NHERF1: variants seen among roughly 807,000 people sequenced by gnomAD.
The protein encoded by NHERF1 is NHERF family PDZ scaffold protein 1.
the NHERF1 span, among the ~76,000 whole-genome samples, chr17:74,757,446 A>G: frequency 2.6e-5 from 4 of 152,226 alleles, no homozygotes; most frequent in South Asian, 8.3e-4. Context: ...AGGTGACATC[A>G]GGGCCACTAC....
chr17:74,768,579 G>A, the NHERF1 span: 2 of 1,613,998 alleles, frequency 1.2e-6, no homozygotes, highest in African/African-American at 1.3e-5. Context: ...CAAAGAGAGG[G>A]CCCACCAGAA....
the NHERF1 span, among the ~76,000 whole-genome samples, chr17:74,765,980 T>A: frequency 6.6e-6 from 1 of 152,192 alleles, no homozygotes; most frequent in African/African-American, 2.4e-5. Flanking sequence ...TAAACCAGAA[T>A]CTGTGCTGCC....
the NHERF1 span, among the ~76,000 whole-genome samples, chr17:74,754,027 G>T: frequency 2.6e-5 from 4 of 151,830 alleles, no homozygotes; most frequent in African/African-American, 9.7e-5. Flanking sequence ...AGCGAGGCGT[G>T]GTGGCAGGTG....
the NHERF1 span, among the ~76,000 whole-genome samples, chr17:74,760,715 A>T: frequency 6.6e-6 from 1 of 152,188 alleles, no homozygotes; most frequent in Non-Finnish European, 1.5e-5. This position sits in a 1 kb window ranked among gnomAD's most constrained non-coding sequence, Gnocchi z 4.5. Flanking sequence ...TAGTATTCAC[A>T]ACAATGGGAA....
chr17:74,751,675 G>T, the NHERF1 span, among the ~76,000 whole-genome samples: 3 of 152,192 alleles, frequency 2.0e-5, no homozygotes, highest in East Asian at 1.9e-4. This position sits in a 1 kb window ranked among gnomAD's most constrained non-coding sequence, Gnocchi z 4.3. Context: ...CGCCTGCCCC[G>T]TGGGGAGAGA....
the NHERF1 span, chr17:74,749,332 G>A: frequency 2.2e-5 from 32 of 1,481,758 alleles, no homozygotes; most frequent in African/African-American, 3.9e-4. The surrounding 1 kb of genome is among the most constrained non-coding windows in gnomAD (Gnocchi z 5.6). Flanking sequence ...AGTGGGAGGA[G>A]GATCCGGAGA....
the NHERF1 span, among the ~76,000 whole-genome samples, chr17:74,759,163 C>T: frequency 1.3e-4 from 20 of 152,300 alleles, no homozygotes; most frequent in South Asian, 2.3e-3. Context: ...TGGGGTCTAC[C>T]GGGGGCTTCC....
chr17:74,749,050 G>C, the NHERF1 span: 1 of 1,598,778 alleles, frequency 6.3e-7, no homozygotes, highest in Non-Finnish European at 8.5e-7. The surrounding 1 kb of genome is among the most constrained non-coding windows in gnomAD (Gnocchi z 5.6). Flanking sequence ...AAAACGTGGA[G>C]AAGGAGACCC....
the NHERF1 span, chr17:74,763,299 C>T: frequency 6.6e-7 from 1 of 1,518,036 alleles, no homozygotes; most frequent in South Asian, 1.2e-5. Flanking sequence ...TGCCCCCAAC[C>T]CCCCTCCACT....
the NHERF1 span, among the ~76,000 whole-genome samples, chr17:74,756,949 G>T: frequency 2.0e-5 from 3 of 152,158 alleles, no homozygotes; most frequent in African/African-American, 7.2e-5. Flanking sequence ...AACCCCTGGG[G>T]GTTAAATCTA....
the NHERF1 span, among the ~76,000 whole-genome samples, chr17:74,755,138 G>A: frequency 6.6e-6 from 1 of 152,168 alleles, no homozygotes; most frequent in African/African-American, 2.4e-5. Flanking sequence ...ACTCTGCCAG[G>A]TGTTTCTGCC....
At chr17:74,750,285 C>T in the NHERF1 span, among the ~76,000 whole-genome samples, 14 of 152,168 alleles carry the variant, frequency 9.2e-5, no homozygotes, top group African/African-American at 2.9e-4. Flanking sequence ...TGCTGAGCCT[C>T]CTGTCCCCAG....
chr17:74,763,305 C>T, the NHERF1 span: 1 of 1,550,990 alleles, frequency 6.4e-7, no homozygotes, highest in South Asian at 1.2e-5. Context: ...CAACCCCCCT[C>T]CACTTACCTG....
chr17:74,753,620 G>A, the NHERF1 span, among the ~76,000 whole-genome samples: 290 of 152,132 alleles, frequency 1.9e-3, no homozygotes, highest in Non-Finnish European at 3.8e-3. Context: ...CGGGCGCAGT[G>A]ACTTGTGCCT....
chr17:74,749,159 C>G, the NHERF1 span: 1 of 1,546,762 alleles, frequency 6.5e-7, no homozygotes, highest in African/African-American at 1.4e-5. The surrounding 1 kb of genome is among the most constrained non-coding windows in gnomAD (Gnocchi z 5.6). Flanking sequence ...GCTCGGCGTC[C>G]AGGTCCGAGA....
the NHERF1 span, among the ~76,000 whole-genome samples, chr17:74,758,947 G>A: frequency 6.6e-6 from 1 of 152,182 alleles, no homozygotes; most frequent in African/African-American, 2.4e-5. This position sits in a 1 kb window ranked among gnomAD's most constrained non-coding sequence, Gnocchi z 4.3. Flanking sequence ...ACCCAGGCTG[G>A]GATGGGCTGG....
At chr17:74,765,050 A>T in the NHERF1 span, among the ~76,000 whole-genome samples, 1 of 152,046 alleles carries the variant, frequency 6.6e-6, no homozygotes, top group East Asian at 1.9e-4. Context: ...GTCCCTGGAG[A>T]TGGAACAGCC....
the NHERF1 span, among the ~76,000 whole-genome samples, chr17:74,755,504 AG>A: frequency 2.0e-5 from 3 of 152,154 alleles, no homozygotes; most frequent in African/African-American, 7.2e-5. Flanking sequence ...GCCCTAGAAA[AG>A]GACAAGAGTT....
chr17:74,749,197 G>T, the NHERF1 span: 1 of 1,525,684 alleles, frequency 6.6e-7, no homozygotes, highest in Non-Finnish European at 8.8e-7. The surrounding 1 kb of genome is among the most constrained non-coding windows in gnomAD (Gnocchi z 5.6). Flanking sequence ...AGGAAGCGCC[G>T]GGGCAGGCCG....
Sources: allele counts gnomAD v4.1 joint callset (sites outside exome capture counted in the v4.1 genomes callset), GRCh38; gene constraint gnomAD v4.1.1; non-coding constraint Gnocchi (gnomAD v3.1); transcripts MANE v1.5; gene names NCBI Gene and HGNC (gene_info 2026-07-23, HGNC 2026-07-21).